Variants in SLC9A9 observed in about 807,000 individuals in gnomAD.
The protein encoded by SLC9A9 is sodium/hydrogen exchanger 9.
A neutral mutation model predicts 77.8 loss-of-function variants in SLC9A9; 62 were observed. The observed-to-expected ratio is 0.80, with a 90% CI of 0.65 to 0.98. The LOEUF (loss-of-function observed/expected upper bound fraction) is 0.98. SLC9A9 is among the 50% of genes least tolerant of loss of function. The pLI, the probability that SLC9A9 is intolerant of heterozygous loss-of-function variation, is 0.00. For synonymous variants in SLC9A9, 320 were observed against 283.5 expected, an observed-to-expected ratio of 1.13 and a Z score of -1.29; for missense variants, 775 against 774.9, an observed-to-expected ratio of 1.00 and a Z score of 0.00.
chr3:143,644,715 A>G (rs1277343007), intron 6 of SLC9A9, among the ~76,000 whole-genome samples: 15 of 152,042 alleles, frequency 9.9e-5, no homozygotes, highest in Non-Finnish European at 8.8e-5. Context: ...TGAAGTCAGC[A>G]TGAAATTGAC....
intron 14 of SLC9A9, among the ~76,000 whole-genome samples, chr3:143,279,018 A>C (rs1380840251): frequency 2.0e-5 from 3 of 150,552 alleles, no homozygotes; most frequent in Non-Finnish European, 4.4e-5. Context: ...TTCTGGGCAC[A>C]TAATAAGCAT....
At chr3:143,652,995 G>C (rs1424368360) in intron 5 of SLC9A9, among the ~76,000 whole-genome samples, 1 of 152,096 alleles carries the variant, frequency 6.6e-6, no homozygotes, top group African/African-American at 2.4e-5. Context: ...GTTCATCTTT[G>C]GACACATGGT....
At chr3:143,675,447 A>G (rs2039221573) in intron 5 of SLC9A9, among the ~76,000 whole-genome samples, 1 of 152,212 alleles carries the variant, frequency 6.6e-6, no homozygotes, top group Non-Finnish European at 1.5e-5. Context: ...AATCCACAGT[A>G]AATTTTCTAA....
At chr3:143,564,199 TATGTC>T (rs1482709276) in intron 8 of SLC9A9, among the ~76,000 whole-genome samples, 1 of 152,186 alleles carries the variant, frequency 6.6e-6, no homozygotes, top group African/African-American at 2.4e-5. Context: ...TATTCAAGAG[TATGTC>T]ACCTACAGCC....
chr3:143,523,424 A>G (rs768983608), intron 9 of SLC9A9, among the ~76,000 whole-genome samples: 26 of 152,290 alleles, frequency 1.7e-4, no homozygotes, highest in Non-Finnish European at 3.2e-4. Flanking sequence ...ACAATTATAT[A>G]ATTAGTTTTA....
intron 4 of SLC9A9, among the ~76,000 whole-genome samples, chr3:143,730,050 AC>A (rs2108809203): frequency 6.6e-6 from 1 of 152,346 alleles, no homozygotes; most frequent in Non-Finnish European, 1.5e-5. Flanking sequence ...AAACCATATC[AC>A]ACAAATAGCA....
At chr3:143,371,797 T>C (rs762536167) in intron 13 of SLC9A9, among the ~76,000 whole-genome samples, 1 of 152,200 alleles carries the variant, frequency 6.6e-6, no homozygotes. Context: ...ACTGAGGATA[T>C]GATTGTACAC....
At chr3:143,462,520 A>T (rs1348798499) in intron 12 of SLC9A9, among the ~76,000 whole-genome samples, 1 of 152,176 alleles carries the variant, frequency 6.6e-6, no homozygotes, top group African/African-American at 2.4e-5. Context: ...TAGGGTTGGG[A>T]GATGAGCATG....
At chr3:143,416,092 C>T (rs1191366633) in intron 12 of SLC9A9, among the ~76,000 whole-genome samples, 2 of 151,960 alleles carry the variant, frequency 1.3e-5, no homozygotes, top group Non-Finnish European at 2.9e-5. Flanking sequence ...AGAAATGGAG[C>T]CTGAAGATGT....
chr3:143,383,465 G>T (rs1432755980), intron 12 of SLC9A9, among the ~76,000 whole-genome samples: 2 of 152,234 alleles, frequency 1.3e-5, no homozygotes, highest in African/African-American at 4.8e-5. Flanking sequence ...GATCAGAGAA[G>T]TATGAGGAAA....
At chr3:143,649,433 A>C (rs1213652163) in intron 6 of SLC9A9, among the ~76,000 whole-genome samples, 1 of 152,186 alleles carries the variant, frequency 6.6e-6, no homozygotes, top group East Asian at 1.9e-4. Flanking sequence ...ATTGTAAATC[A>C]CAAGAGCGTG....
intron 6 of SLC9A9, among the ~76,000 whole-genome samples, chr3:143,630,841 G>T (rs186493647): frequency 2.2e-3 from 336 of 152,168 alleles, no homozygotes; most frequent in African/African-American, 7.7e-3. Context: ...AATCTGGTAG[G>T]ATGATTAAAA....
chr3:143,317,980 G>A (rs1201478129), intron 14 of SLC9A9, among the ~76,000 whole-genome samples: 1 of 152,098 alleles, frequency 6.6e-6, no homozygotes, highest in African/African-American at 2.4e-5. Context: ...GCCCACCTTG[G>A]CCTCCCAAAG....
At chr3:143,487,701 G>A (rs1344842735) in intron 11 of SLC9A9, among the ~76,000 whole-genome samples, 1 of 151,766 alleles carries the variant, frequency 6.6e-6, no homozygotes, top group East Asian at 1.9e-4. Flanking sequence ...AGAGGTGAAT[G>A]ATAAGAAAAC....
intron 8 of SLC9A9, among the ~76,000 whole-genome samples, chr3:143,568,426 G>A (rs2037206225): frequency 6.6e-6 from 1 of 152,148 alleles, no homozygotes; most frequent in African/African-American, 2.4e-5. Context: ...ACCAACACAT[G>A]TCCACCACAT....
chr3:143,306,233 T>C (rs1425224880), intron 14 of SLC9A9, among the ~76,000 whole-genome samples: 1 of 152,194 alleles, frequency 6.6e-6, no homozygotes, highest in African/African-American at 2.4e-5. Flanking sequence ...GGCAGAAGGT[T>C]GAGGCCTCCC....
rs552220490 is a variant in SLC9A9 at position 143,736,154 on chromosome 3, T to C, written c.534-42847A>G. ...ATTCTTTAAAACCTATGTGTCTCTC[T>C]CTCTGGAAAGTTTACTCTGTTCCTA... On this transcript the variant is annotated intron_variant, in intron 4 of 15. Transcript: ENST00000316549. 1.6e-4 allele frequency among the ~76,000 whole-genome samples: 25 copies of C among 152,334 alleles called. No homozygotes were observed. The Middle Eastern group carries it at 0.014, about 83-fold the overall frequency.
Position 143,761,409 on chromosome 3 carries a change from T to C in SLC9A9, c.533+33592A>G, listed in dbSNP as rs571858626. The stretch of plus-strand genomic sequence containing the variant: ...CTATCATCAGAGTGAACAGGCAACC[T>C]ACAGAATGGGAGAAAATTTTTGCAA... On this transcript the variant is annotated intron_variant, in intron 4 of 15. Coordinates refer to ENST00000316549, the MANE Select transcript of SLC9A9 (RefSeq NM_173653.4). Among the ~76,000 whole-genome samples the C allele has an allele frequency of 4.5e-4, 69 of 152,194 alleles. 1 individual carries two copies. Among genetic ancestry groups the C allele is most frequent in the African/African-American group, 1.6e-3 (65 of 41,508 alleles).
chr3:143,599,212 A>G (rs887340818), intron 6 of SLC9A9, among the ~76,000 whole-genome samples: 6 of 152,246 alleles, frequency 3.9e-5, no homozygotes, highest in Admixed American at 3.9e-4. Context: ...TCCATCTCAT[A>G]TAACTATTTA....
Sources: allele counts gnomAD v4.1 joint callset (sites outside exome capture counted in the v4.1 genomes callset), GRCh38; gene constraint gnomAD v4.1.1; transcripts MANE v1.5; gene names NCBI Gene and HGNC (gene_info 2026-07-23, HGNC 2026-07-21).